The following CDH12 variants were observed in gnomAD, a reference collection of about 807,000 sequenced individuals.
CDH12 encodes cadherin-12.
In CDH12, 41 loss-of-function variants were observed where a neutral mutation model predicts 74.1. That is an observed-to-expected ratio of 0.55 (90% CI 0.43 to 0.72). The LOEUF (loss-of-function observed/expected upper bound fraction) is 0.72. CDH12 is among the 30% of genes least tolerant of loss of function. The pLI, the probability that CDH12 is intolerant of heterozygous loss-of-function variation, is 0.00. For missense variants in CDH12, 945 were observed against 977.2 expected (o/e 0.97, Z 0.44); for synonymous variants, 399 against 355.0 (o/e 1.12, Z -1.39).
intron 1 of CDH12, among the ~76,000 whole-genome samples, chr5:22,637,646 A>G (rs1738911321): frequency 6.6e-6 from 1 of 152,222 alleles, no homozygotes; most frequent in African/African-American, 2.4e-5. Context: ...TGGTCTCATT[A>G]GAGTCTCTTG....
At chr5:22,537,697 T>C (rs565312406) in intron 1 of CDH12, among the ~76,000 whole-genome samples, 5 of 152,038 alleles carry the variant, frequency 3.3e-5, no homozygotes, top group Admixed American at 1.3e-4. Flanking sequence ...TGTGATAAGC[T>C]CTCTCACTCT....
At chr5:22,070,352 G>A (rs1741861825) in intron 5 of CDH12, among the ~76,000 whole-genome samples, 1 of 152,112 alleles carries the variant, frequency 6.6e-6, no homozygotes, top group African/African-American at 2.4e-5. Context: ...AGGGGAAGTG[G>A]ACGGGTGCCA....
chr5:22,087,393 A>G (rs1345407257), intron 4 of CDH12, among the ~76,000 whole-genome samples: 1 of 151,904 alleles, frequency 6.6e-6, no homozygotes, highest in Non-Finnish European at 1.5e-5. Flanking sequence ...TAATCCCAAC[A>G]CTCTGTGGGG....
chr5:22,468,650 G>A (rs1355498007), intron 2 of CDH12, among the ~76,000 whole-genome samples: 2 of 151,816 alleles, frequency 1.3e-5, no homozygotes, highest in Non-Finnish European at 2.9e-5. Context: ...TATGTATACT[G>A]GTTTGAACCT....
chr5:22,771,816 C>T (rs190765273), intron 1 of CDH12, among the ~76,000 whole-genome samples: 223 of 152,204 alleles, frequency 1.5e-3, no homozygotes, highest in African/African-American at 5.2e-3. Context: ...TAACTCTGCC[C>T]TAGGTAAGCT....
chr5:22,825,644 G>C (rs903344482), intron 1 of CDH12, among the ~76,000 whole-genome samples: 5 of 152,156 alleles, frequency 3.3e-5, no homozygotes, highest in Non-Finnish European at 7.3e-5. Context: ...AGAGAAAAAA[G>C]TCAGGCAAGG....
At chr5:21,987,096 G>C (rs1325163067) in intron 5 of CDH12, among the ~76,000 whole-genome samples, 1 of 151,902 alleles carries the variant, frequency 6.6e-6, no homozygotes, top group Non-Finnish European at 1.5e-5. Flanking sequence ...CTTTCTGTTA[G>C]TCTTTATTAT....
chr5:21,893,534 C>T (rs1030720182), intron 6 of CDH12, among the ~76,000 whole-genome samples: 1 of 152,122 alleles, frequency 6.6e-6, no homozygotes, highest in Non-Finnish European at 1.5e-5. Context: ...TTTAACAAAG[C>T]CTTAGAATTT....
chr5:22,217,924 A>G (rs908347551), intron 3 of CDH12, among the ~76,000 whole-genome samples: 1 of 151,696 alleles, frequency 6.6e-6, no homozygotes, highest in Non-Finnish European at 1.5e-5. Context: ...ACTAGTATCA[A>G]ATGAATTTCC....
chr5:21,783,156 A>G (rs902045888), intron 11 of CDH12, among the ~76,000 whole-genome samples: 9 of 152,256 alleles, frequency 5.9e-5, no homozygotes, highest in Admixed American at 5.2e-4. Flanking sequence ...TATTCATGCA[A>G]TACTGCAAAC....
chr5:22,075,971 A>G (rs1742286881), intron 5 of CDH12, among the ~76,000 whole-genome samples: 1 of 152,134 alleles, frequency 6.6e-6, no homozygotes, highest in Non-Finnish European at 1.5e-5. Flanking sequence ...TAATGGATTA[A>G]ATTGGTCCCC....
At chr5:21,892,522 T>G (rs866218211) in intron 6 of CDH12, among the ~76,000 whole-genome samples, 1 of 152,102 alleles carries the variant, frequency 6.6e-6, no homozygotes, top group Admixed American at 6.5e-5. Flanking sequence ...GTAAAAGAAA[T>G]AAGCTTTTTT....
At chr5:22,345,339 C>T (rs181058993) in intron 3 of CDH12, among the ~76,000 whole-genome samples, 193 of 152,074 alleles carry the variant, frequency 1.3e-3, no homozygotes, top group African/African-American at 3.9e-3. Flanking sequence ...CGAGTTGGTC[C>T]TTTTGAAATT....
intron 1 of CDH12, among the ~76,000 whole-genome samples, chr5:22,771,779 A>G (rs1388468308): frequency 1.3e-5 from 2 of 152,068 alleles, no homozygotes; most frequent in Non-Finnish European, 2.9e-5. Context: ...CAGTTTCTTT[A>G]CAGCCTACGG....
intron 4 of CDH12, among the ~76,000 whole-genome samples, chr5:22,163,090 G>A (rs1478657873): frequency 6.6e-6 from 1 of 151,788 alleles, no homozygotes; most frequent in Admixed American, 6.6e-5. Context: ...TAGAGACGGG[G>A]TTTCACCATC....
At chr5:22,399,444 G>A (rs1271854421) in intron 3 of CDH12, among the ~76,000 whole-genome samples, 2 of 152,050 alleles carry the variant, frequency 1.3e-5, no homozygotes, top group African/African-American at 4.8e-5. Context: ...ACAGTCCATA[G>A]GCCAGCAAAC....
chr5:22,429,760 T>C (rs1401307042), intron 2 of CDH12, among the ~76,000 whole-genome samples: 3 of 151,958 alleles, frequency 2.0e-5, no homozygotes, highest in Non-Finnish European at 2.9e-5. Flanking sequence ...TCTGTTGGCT[T>C]CTGTCATCTT....
intron 1 of CDH12, among the ~76,000 whole-genome samples, chr5:22,758,571 CT>C (rs1268276996): frequency 6.7e-6 from 1 of 149,918 alleles, no homozygotes; most frequent in Non-Finnish European, 1.5e-5. Context: ...AGAAGTTGGT[CT>C]TATCCCATTT....
intron 1 of CDH12, among the ~76,000 whole-genome samples, chr5:22,634,445 A>C (rs1051065141): frequency 2.8e-4 from 42 of 152,194 alleles, no homozygotes; most frequent in Admixed American, 2.0e-3. Flanking sequence ...TAGTGGTTAT[A>C]CTAATAAAGA....
Sources: allele counts gnomAD v4.1 joint callset (sites outside exome capture counted in the v4.1 genomes callset), GRCh38; gene constraint gnomAD v4.1.1; transcripts MANE v1.5; gene names NCBI Gene and HGNC (gene_info 2026-07-23, HGNC 2026-07-21).